TMEM164: variants seen among roughly 807,000 people sequenced by gnomAD.
TMEM164 encodes the protein RP13-360B22.2.
A neutral mutation model predicts 18.8 loss-of-function variants in TMEM164; 4 were observed. The observed-to-expected ratio is 0.21, with a 90% CI of 0.10 to 0.49. TMEM164 has a LOEUF of 0.49. TMEM164 is among the 20% of genes least tolerant of loss of function. The pLI is 0.98. For missense variants in TMEM164, 108 were observed against 239.9 expected (o/e 0.45, Z 3.63); for synonymous variants, 86 against 101.7 (o/e 0.85, Z 0.93).
chrX:110,087,784 C>T (rs1396543989), intron 3 of TMEM164, among the ~76,000 whole-genome samples: 1 of 111,622 alleles, frequency 9.0e-6, no homozygotes, highest in Non-Finnish European at 1.9e-5. Flanking sequence ...TTCATGTGTG[C>T]CAGGAAAGGA....
At chrX:110,172,574 TAC>T (rs2067245875) in intron 6 of TMEM164, among the ~76,000 whole-genome samples, 1 of 111,520 alleles carries the variant, frequency 9.0e-6, no homozygotes, top group African/African-American at 3.3e-5. Context: ...TTCACACCCT[TAC>T]CACTTGCTGC....
At chrX:110,068,435 T>C (rs2065533251) in intron 3 of TMEM164, among the ~76,000 whole-genome samples, 1 of 112,408 alleles carries the variant, frequency 8.9e-6, no homozygotes, top group Non-Finnish European at 1.9e-5. Flanking sequence ...AATTATTCAG[T>C]GTAATGTTTT....
intron 2 of TMEM164, among the ~76,000 whole-genome samples, chrX:110,055,904 C>T (rs746298746): frequency 1.8e-4 from 20 of 110,505 alleles, no homozygotes; most frequent in Non-Finnish European, 3.6e-4. Context: ...TGATGCTGGT[C>T]GGGGGTCAAA....
downstream of TMEM164, among the ~76,000 whole-genome samples, chrX:110,179,508 C>T (rs1464447742): frequency 8.9e-6 from 1 of 112,392 alleles, no homozygotes; most frequent in Non-Finnish European, 1.9e-5. Context: ...CCAGCGGGAT[C>T]GTACTCCCCT....
At chrX:110,095,384 A>T (rs946365756) in intron 3 of TMEM164, among the ~76,000 whole-genome samples, 4 of 111,410 alleles carry the variant, frequency 3.6e-5, no homozygotes, top group African/African-American at 1.3e-4. Context: ...GTTTCTTTTT[A>T]TTCTTTTTTC....
chrX:110,144,770 A>G, intron 4 of TMEM164, 28 bp from the exon 5 acceptor site: 1 of 1,171,771 alleles, frequency 8.5e-7, no homozygotes, highest in Non-Finnish European at 1.2e-6. Context: ...CCTGCTCTAA[A>G]ACACTTCTCT....
At chrX:110,027,371 T>C (rs1009406574) in intron 2 of TMEM164, among the ~76,000 whole-genome samples, 1 of 112,065 alleles carries the variant, frequency 8.9e-6, no homozygotes, top group Non-Finnish European at 1.9e-5. Flanking sequence ...ATTGTCTCTG[T>C]ACTTCCCAGA....
intron 2 of TMEM164, among the ~76,000 whole-genome samples, chrX:110,011,197 A>G (rs1026114236): frequency 2.7e-5 from 3 of 112,693 alleles, no homozygotes; most frequent in Non-Finnish European, 5.6e-5. Context: ...AACAAAAAAA[A>G]AAGAAGAAGT....
intron 2 of TMEM164, among the ~76,000 whole-genome samples, chrX:110,059,795 A>G (rs1478800985): frequency 9.0e-6 from 1 of 111,566 alleles, no homozygotes; most frequent in African/African-American, 3.3e-5. Flanking sequence ...GTAGACCGAG[A>G]CAATTCTTCT....
chrX:110,020,438 C>T lies in TMEM164; in HGVS notation c.390+16274C>T, dbSNP rs905361638. ...ATGTTGATTTAGGAGGTATTGCCTT[C>T]GAGAAGATAAAGGAGGAGAAGAGGA... On this transcript the variant is annotated intron_variant, in intron 2 of 6. Transcript: ENST00000372068. 63 of 751,624 alleles carry T rather than the reference C, an allele frequency of 8.4e-5. No individual in the cohort carries two copies. The South Asian group carries it at 8.9e-4, about 11-fold the overall frequency. The allele number at this position is 751,624 out of a possible 1,213,427, so 61.9% of individuals were successfully genotyped here.
chrX:110,048,987 A>G (rs1935432270), intron 2 of TMEM164, among the ~76,000 whole-genome samples: 1 of 112,333 alleles, frequency 8.9e-6, no homozygotes, highest in South Asian at 3.6e-4. Context: ...GCGATTTGCT[A>G]AAATCACTCT....
At position 110,173,504 on chromosome X, in the gene TMEM164, C is replaced by A; in HGVS notation, c.*53C>A. The A allele has an allele frequency of 9.7e-7, 1 of 1,029,811 alleles. No individual in the cohort carries two copies. Among genetic ancestry groups the A allele is most frequent in the South Asian group, 2.1e-5 (1 of 47,435 alleles). The allele number at this position is 1,029,811 out of a possible 1,213,427, so 84.9% of individuals were successfully genotyped here. A position where few individuals can be genotyped will look rare whatever the true frequency, so the allele number is the denominator to read the frequency against. On this transcript the variant is annotated 3_prime_UTR_variant, in exon 7 of 7. Coordinates refer to ENST00000372068, the MANE Select transcript of TMEM164 (RefSeq NM_032227.4). ...CCTGAGGAAGCAAGTCGTGACTTGA[C>A]TTGGAGAACACCCAGTTCTTGATAA...
chrX:110,172,398 C>T (rs1455735805), intron 6 of TMEM164, among the ~76,000 whole-genome samples: 1 of 112,052 alleles, frequency 8.9e-6, no homozygotes, highest in Non-Finnish European at 1.9e-5. Flanking sequence ...CGTGACCTAG[C>T]ATGACTAGGG....
At chrX:110,071,412 TGATA>T (rs2065586886) in intron 3 of TMEM164, among the ~76,000 whole-genome samples, 1 of 110,482 alleles carries the variant, frequency 9.1e-6, no homozygotes, top group South Asian at 3.7e-4. Context: ...TAAATTACAT[TGATA>T]GATTTTCTGG....
intron 3 of TMEM164, among the ~76,000 whole-genome samples, chrX:110,105,711 C>G (rs935071319): frequency 1.0e-5 from 1 of 98,580 alleles, no homozygotes; most frequent in Non-Finnish European, 2.0e-5. Flanking sequence ...CACACACACA[C>G]ACACACACAG....
At chrX:110,154,279 T>C (rs2066985892) in intron 5 of TMEM164, among the ~76,000 whole-genome samples, 1 of 112,449 alleles carries the variant, frequency 8.9e-6, no homozygotes, top group African/African-American at 3.2e-5. Flanking sequence ...TAGTTCAACA[T>C]GATTATTTTC....
intron 2 of TMEM164, among the ~76,000 whole-genome samples, chrX:110,038,258 TG>T (rs1213334470): frequency 1.8e-5 from 2 of 111,332 alleles, no homozygotes; most frequent in Non-Finnish European, 3.8e-5. Context: ...CCCAAAGTGC[TG>T]GGATTACAGG....
chrX:110,081,352 A>G (rs1010233901), intron 3 of TMEM164, among the ~76,000 whole-genome samples: 3 of 111,770 alleles, frequency 2.7e-5, no homozygotes, highest in African/African-American at 9.8e-5. Flanking sequence ...TGATCATAAC[A>G]TAATCAGGTT....
chrX:110,014,744 CTTTTT>C (rs142705177), intron 2 of TMEM164, among the ~76,000 whole-genome samples: 10 of 54,238 alleles, frequency 1.8e-4, no homozygotes, highest in Non-Finnish European at 2.9e-4. Context: ...TTGGTTGTTT[CTTTTT>C]TTTTTTTTTT....
Sources: allele counts gnomAD v4.1 joint callset (sites outside exome capture counted in the v4.1 genomes callset), GRCh38; gene constraint gnomAD v4.1.1; transcripts MANE v1.5; gene names NCBI Gene and HGNC (gene_info 2026-07-23, HGNC 2026-07-21).